Variants in STARD13 observed in about 807,000 individuals in gnomAD.
STARD13 encodes StAR related lipid transfer domain containing 13.
In STARD13, 62 loss-of-function variants were observed where a neutral mutation model predicts 106.4. The observed-to-expected ratio is 0.58, with a 90% CI of 0.48 to 0.72. The LOEUF (loss-of-function observed/expected upper bound fraction) is 0.72. STARD13 is among the 30% of genes least tolerant of loss of function. The probability of loss-of-function intolerance (pLI) is 0.00; values close to 1 mark genes in which losing one functional copy is unlikely to be tolerated. For synonymous variants in STARD13, 565 were observed against 553.0 expected (o/e 1.02, Z -0.31); for missense variants, 1,387 against 1,424.0 (o/e 0.97, Z 0.42).
intron 3 of STARD13, among the ~76,000 whole-genome samples, chr13:33,149,746 CCT>C (rs1881022667): frequency 6.6e-6 from 1 of 152,144 alleles, no homozygotes; most frequent in Admixed American, 6.6e-5. Context: ...GAAACATATC[CCT>C]GACAGATGTA....
chr13:33,129,018 T>G lies in STARD13; in HGVS notation c.1659A>C (p.Arg553Ser), dbSNP rs766647548. ...EGRTTPSDVERDVTSLNESEP... is the reference protein window; with the variant it reads ...EGRTTPSDVESDVTSLNESEP... ...CAGATTCATTAAGAGATGTTACATC[T>G]CTTTCCACATCACTGGGTGTCGTCC... Residue 553 changes from arginine (R) to serine (S), a missense_variant, in exon 5 of 14, where the codon AGA becomes AGC. By Grantham distance (110) the Arg-to-Ser change is moderately radical. Coordinates refer to ENST00000336934, the MANE Select transcript of STARD13 (RefSeq NM_178006.4). 6.2e-7 allele frequency: 1 copy of G among 1,614,118 alleles called. No homozygotes were observed. Among genetic ancestry groups the G allele is most frequent in the East Asian group, 2.2e-5 (1 of 44,878 alleles).
chr13:33,178,029 A>C (rs1884879984), intron 1 of STARD13, among the ~76,000 whole-genome samples: 1 of 144,398 alleles, frequency 6.9e-6, no homozygotes, highest in African/African-American at 2.6e-5. Flanking sequence ...GAAGGAAGGA[A>C]GGAAGGAAGG....
chr13:33,558,626 T>C, the STARD13 span, among the ~76,000 whole-genome samples: 1 of 152,168 alleles, frequency 6.6e-6, no homozygotes, highest in Non-Finnish European at 1.5e-5. Flanking sequence ...AAGTTTTCTT[T>C]AGGAAAAGGG....
intron 2 of STARD13, among the ~76,000 whole-genome samples, chr13:33,165,889 T>C (rs1883258637): frequency 6.6e-6 from 1 of 152,226 alleles, no homozygotes; most frequent in Non-Finnish European, 1.5e-5. Context: ...TCTTTATCAC[T>C]CTGGAGTATC....
the STARD13 span, among the ~76,000 whole-genome samples, chr13:33,655,845 G>A: frequency 3.9e-5 from 6 of 152,286 alleles, no homozygotes; most frequent in South Asian, 6.2e-4. Flanking sequence ...TGCTGCTGTC[G>A]TTGCAGGTTT....
chr13:33,185,509 C>G (rs73459224), intron 1 of STARD13, among the ~76,000 whole-genome samples: 1 of 152,060 alleles, frequency 6.6e-6, no homozygotes, highest in East Asian at 1.9e-4. Flanking sequence ...TCCAAATTTC[C>G]GAGGACACTA....
At chr13:33,603,526 T>G in the STARD13 span, among the ~76,000 whole-genome samples, 1 of 152,226 alleles carries the variant, frequency 6.6e-6, no homozygotes, top group Non-Finnish European at 1.5e-5. Context: ...GAGATTGCTC[T>G]CTTCCTGGCT....
the STARD13 span, among the ~76,000 whole-genome samples, chr13:33,662,442 C>A: frequency 2.6e-5 from 4 of 152,188 alleles, no homozygotes; most frequent in African/African-American, 9.6e-5. Context: ...GAAAGGCCAC[C>A]GGAATGGATA....
At chr13:33,339,277 T>C (rs1242850793) in intron 1 of STARD13, among the ~76,000 whole-genome samples, 1 of 152,174 alleles carries the variant, frequency 6.6e-6, no homozygotes, top group Non-Finnish European at 1.5e-5. Context: ...CAGTAGCTGT[T>C]CTTAACCACT....
chr13:33,577,275 T>C, the STARD13 span, among the ~76,000 whole-genome samples: 1 of 152,182 alleles, frequency 6.6e-6, no homozygotes, highest in African/African-American at 2.4e-5. Context: ...ACCTCTACTC[T>C]ACAGAGAAAT....
intron 3 of STARD13, among the ~76,000 whole-genome samples, chr13:33,159,192 C>T (rs1000846601): frequency 3.3e-5 from 5 of 152,090 alleles, no homozygotes; most frequent in Admixed American, 6.5e-5. Context: ...AATCCTGCTA[C>T]GGGCTATATC....
chr13:33,489,807 T>G, the STARD13 span, among the ~76,000 whole-genome samples: 3 of 152,322 alleles, frequency 2.0e-5, no homozygotes, highest in Admixed American at 2.0e-4. Context: ...CTGCCCATTT[T>G]GCAAGTTCTC....
At chr13:33,295,382 A>C (rs1892449048) in intron 1 of STARD13, among the ~76,000 whole-genome samples, 1 of 152,220 alleles carries the variant, frequency 6.6e-6, no homozygotes, top group Admixed American at 6.5e-5. Flanking sequence ...CAGGGCAGCA[A>C]GGGGAGGCTC....
chr13:33,456,673 T>C, the STARD13 span, among the ~76,000 whole-genome samples: 1 of 152,192 alleles, frequency 6.6e-6, no homozygotes. Flanking sequence ...CATCAGTCCA[T>C]ATGGCACAGC....
intron 1 of STARD13, among the ~76,000 whole-genome samples, chr13:33,308,108 C>A (rs1892980084): frequency 6.6e-6 from 1 of 152,192 alleles, no homozygotes; most frequent in Admixed American, 6.5e-5. Context: ...CTTCAGGACA[C>A]CTGGCAAAAC....
chr13:33,546,836 CTAA>C, the STARD13 span, among the ~76,000 whole-genome samples: 59 of 151,832 alleles, frequency 3.9e-4, no homozygotes, highest in African/African-American at 1.4e-3. Flanking sequence ...AATACATGTT[CTAA>C]TAATTTTTGT....
chr13:33,268,055 A>G (rs1011467305), intron 1 of STARD13, among the ~76,000 whole-genome samples: 2 of 152,316 alleles, frequency 1.3e-5, no homozygotes, highest in Non-Finnish European at 1.5e-5. Context: ...GGCATTATCA[A>G]AGGTTAGACA....
chr13:33,186,236 G>T (rs2138479922), intron 1 of STARD13, among the ~76,000 whole-genome samples: 1 of 152,244 alleles, frequency 6.6e-6, no homozygotes, highest in South Asian at 2.1e-4. Context: ...AAGTCCCAGA[G>T]AAAAGGATTC....
chr13:33,491,004 C>G, the STARD13 span, among the ~76,000 whole-genome samples: 1 of 152,310 alleles, frequency 6.6e-6, no homozygotes, highest in South Asian at 2.1e-4. Context: ...GGAGCCATAC[C>G]CCTGTCTCAT....
Sources: gnomAD v4.1 joint callset for allele counts (sites outside exome capture counted in the v4.1 genomes callset) on GRCh38, gnomAD v4.1.1 for gene constraint, MANE v1.5 for transcripts, NCBI Gene and HGNC (gene_info 2026-07-23, HGNC 2026-07-21) for gene names.